The following ASPH variants were observed in gnomAD, a reference collection of about 807,000 sequenced individuals.
ASPH encodes aspartyl/asparaginyl beta-hydroxylase.
ASPH carries 100 observed loss-of-function variants against 118.4 expected under a neutral mutation model. The ratio of observed to expected loss-of-function variants is 0.84; its 90% CI spans 0.72 to 1.00. The LOEUF (loss-of-function observed/expected upper bound fraction) is 1.00. Among genes scored for constraint, ASPH ranks in the 50% least tolerant of loss-of-function variants. The pLI is 0.00. For synonymous variants in ASPH, 315 were observed against 325.6 expected, an observed-to-expected ratio of 0.97 and a Z score of 0.35; for missense variants, 920 against 919.5, an observed-to-expected ratio of 1.00 and a Z score of -0.01.
intron 24 of ASPH, among the ~76,000 whole-genome samples, chr8:61,504,242 A>G (rs1805573349): frequency 6.6e-6 from 1 of 152,196 alleles, no homozygotes; most frequent in South Asian, 2.1e-4. Context: ...AAATCCAAAG[A>G]GAGTTTATGA....
chr8:61,501,461 G>GT lies in ASPH; in HGVS notation c.*1897dup, dbSNP rs1804923328. Reference sequence around the variant, plus strand: ...TCTTCCATAATTTCATTACATGAATGTAAGATGATGGCTCAAAAATGACGA... The same window carrying GT: ...TCTTCCATAATTTCATTACATGAATGTTAAGATGATGGCTCAAAAATGACGA... On this transcript the variant is annotated 3_prime_UTR_variant, in exon 25 of 25. Transcript: ENST00000379454. The GT allele has an allele frequency of 6.6e-6, 1 of 152,108 alleles. No homozygotes were observed. Among genetic ancestry groups the GT allele is most frequent in the Non-Finnish European group, 1.5e-5 (1 of 68,018 alleles). The allele number at this position is 152,108 out of a possible 1,614,324, so 9.4% of individuals were successfully genotyped here.
At chr8:61,689,484 G>T (rs774393559) in intron 1 of ASPH, among the ~76,000 whole-genome samples, 2 of 152,064 alleles carry the variant, frequency 1.3e-5, no homozygotes, top group Admixed American at 6.6e-5. Flanking sequence ...TCGGATTAAA[G>T]ACAGATTATT....
chr8:61,628,018 C>A (rs920971568), intron 13 of ASPH, among the ~76,000 whole-genome samples: 1 of 152,050 alleles, frequency 6.6e-6, no homozygotes, highest in African/African-American at 2.4e-5. Flanking sequence ...GCCAAGCTCC[C>A]ACCATTTTTG....
rs150489153 is a variant in ASPH at position 61,702,578 on chromosome 8, G to A, written c.103+11691C>T. On this transcript the variant is annotated intron_variant, in intron 1 of 24. Transcript: ENST00000379454. ...TGGGATTACAGGCATGACCCACCGC[G>A]CCCAGCCCCCCAATAACTACTTCTA... Among the ~76,000 whole-genome samples, 1,026 of 152,064 alleles carry A rather than the reference G, an allele frequency of 6.7e-3. 1 individual carries two copies. Among genetic ancestry groups the A allele is most frequent in the Non-Finnish European group, 0.011 (743 of 67,990 alleles).
chr8:61,613,589 G>A (rs2133997130), intron 14 of ASPH, among the ~76,000 whole-genome samples: 1 of 152,224 alleles, frequency 6.6e-6, no homozygotes, highest in South Asian at 2.1e-4. Context: ...AGGCATCTTG[G>A]GAACAAAAAG....
At chr8:61,624,942 G>C (rs775288850) in intron 13 of ASPH, 1 of 984,880 alleles carries the variant, frequency 1.0e-6, no homozygotes, top group Non-Finnish European at 1.2e-6. Flanking sequence ...ATTACACATC[G>C]AGTACCCATG....
intron 1 of ASPH, among the ~76,000 whole-genome samples, chr8:61,702,867 A>G (rs1445505268): frequency 3.3e-5 from 5 of 152,320 alleles, no homozygotes; most frequent in South Asian, 4.1e-4. Flanking sequence ...CAAATATATA[A>G]TATCAATAGG....
chr8:61,528,661 C>A (rs1586598416), intron 21 of ASPH, among the ~76,000 whole-genome samples: 1 of 152,160 alleles, frequency 6.6e-6, no homozygotes, highest in Non-Finnish European at 1.5e-5. Flanking sequence ...TTGCATCACT[C>A]AATATAATTT....
At chr8:61,650,522 G>A (rs1372322888) in intron 5 of ASPH, among the ~76,000 whole-genome samples, 2 of 152,066 alleles carry the variant, frequency 1.3e-5, no homozygotes, top group East Asian at 3.9e-4. Flanking sequence ...TTAGTTCCTG[G>A]GTTATTACTT....
rs188764540 is a variant in ASPH at position 61,648,939 on chromosome 8, T to A, written c.491-2061A>T. ...GTGGGAAACACATCTCAGCAAAAGA[T>A]ATACCAGGTGCAGGGGTGCTAAAGC... is the stretch of plus-strand genomic sequence containing the variant. On this transcript the variant is annotated intron_variant, in intron 5 of 24. Coordinates refer to ENST00000379454, the MANE Select transcript of ASPH (RefSeq NM_004318.4). Among the ~76,000 whole-genome samples the A allele has an allele frequency of 4.3e-4, 66 of 152,222 alleles. 2 individuals carry two copies. The highest frequency in any genetic ancestry group is 1.3e-3 in the African/African-American group (54 of 41,534).
rs1363438758 is a variant in ASPH at position 61,703,714 on chromosome 8, A to G, written c.103+10555T>C. On this transcript the variant is annotated intron_variant, in intron 1 of 24. Coordinates refer to ENST00000379454, the MANE Select transcript of ASPH (RefSeq NM_004318.4). Reference sequence around the variant, plus strand: ...CTCCCAAAGTTGGTCTACGGAGTCAATGCAATCCTAATCATAAACCCTAGC... The same window carrying G: ...CTCCCAAAGTTGGTCTACGGAGTCAGTGCAATCCTAATCATAAACCCTAGC... 3.3e-5 allele frequency among the ~76,000 whole-genome samples: 5 copies of G among 152,338 alleles called. No individual in the cohort carries two copies. The East Asian group carries it at 9.6e-4, about 29-fold the overall frequency.
At chr8:61,591,779 CTCCAA>C (rs1841217529) in intron 14 of ASPH, among the ~76,000 whole-genome samples, 1 of 152,080 alleles carries the variant, frequency 6.6e-6, no homozygotes, top group Non-Finnish European at 1.5e-5. Context: ...CTCCAGTAGA[CTCCAA>C]TGTCTGTACT....
chr8:61,579,550 G>A, intron 15 of ASPH: 1 of 1,535,832 alleles, frequency 6.5e-7, no homozygotes. Context: ...TCCAGCTTTG[G>A]CTCTGGCGCA....
chr8:61,602,983 A>T (rs1242906186), intron 14 of ASPH, among the ~76,000 whole-genome samples: 3 of 152,080 alleles, frequency 2.0e-5, no homozygotes, highest in Admixed American at 2.0e-4. Context: ...ACTTGGGGTC[A>T]GGAGTTCGAG....
At chr8:61,597,912 T>C (rs1477179278) in intron 14 of ASPH, among the ~76,000 whole-genome samples, 1 of 152,104 alleles carries the variant, frequency 6.6e-6, no homozygotes, top group Non-Finnish European at 1.5e-5. Context: ...AAGGACAATA[T>C]CTGCCACCAT....
chr8:61,572,835 C>T lies in ASPH; in HGVS notation c.1149+3937G>A, dbSNP rs143503918. ...GAGGCCCTCTCTCACCACTCCTATT[C>T]GACGTAGTATTGGAAGTTCTGGCCA... On this transcript the variant is annotated intron_variant, in intron 16 of 24. Transcript: ENST00000379454. Among the ~76,000 whole-genome samples, 210 of 152,226 alleles carry T rather than the reference C, an allele frequency of 1.4e-3. 2 individuals carry two copies. The highest frequency in any genetic ancestry group is 4.9e-3 in the African/African-American group (205 of 41,518).
chr8:61,621,336 G>T (rs67531859), intron 13 of ASPH, among the ~76,000 whole-genome samples: 4 of 40,312 alleles, frequency 9.9e-5, no homozygotes, highest in Non-Finnish European at 2.4e-4. Context: ...AAAAAAAAAA[G>T]AAAAGAAAAG....
At chr8:61,633,808 A>G (rs1015449169) in intron 12 of ASPH, 81 bp from the exon 13 acceptor site, 1 of 946,732 alleles carries the variant, frequency 1.1e-6, no homozygotes, top group African/African-American at 1.7e-5. Context: ...TTAAGTAATG[A>G]TGATACTTTT....
chr8:61,616,506 T>G (rs992647383), intron 14 of ASPH, among the ~76,000 whole-genome samples: 1 of 152,190 alleles, frequency 6.6e-6, no homozygotes, highest in African/African-American at 2.4e-5. Context: ...AACCAGTCAA[T>G]GTGTAAATGA....
Sources: allele counts gnomAD v4.1 joint callset (sites outside exome capture counted in the v4.1 genomes callset), GRCh38; gene constraint gnomAD v4.1.1; transcripts MANE v1.5; gene names NCBI Gene and HGNC (gene_info 2026-07-23, HGNC 2026-07-21).